TEX48: variants seen among roughly 807,000 people sequenced by gnomAD.
The protein encoded by TEX48 is testis-expressed protein 48.
TEX48 carries 10 observed loss-of-function variants against 13.2 expected under a neutral mutation model. The ratio of observed to expected loss-of-function variants is 0.75; its 90% CI spans 0.47 to 1.28. The LOEUF (loss-of-function observed/expected upper bound fraction) is 1.28, where lower values mean the gene tolerates loss of function less well. Ranked by LOEUF, TEX48 falls within the 50% of genes most tolerant of loss-of-function variation. TEX48 has a pLI of 0.00. For missense variants in TEX48, 116 were observed against 139.4 expected (o/e 0.83, Z 0.84); for synonymous variants, 45 against 52.3 (o/e 0.86, Z 0.60).
chr9:114,674,327 CCAACT>C (rs1828010851), intron 1 of TEX48, among the ~76,000 whole-genome samples: 1 of 152,100 alleles, frequency 6.6e-6, no homozygotes, highest in Non-Finnish European at 1.5e-5. Flanking sequence ...CAGCAAGCTC[CCAACT>C]CAACAATTTG....
At chr9:114,668,730 G>A (rs1827887346) in intron 3 of TEX48, among the ~76,000 whole-genome samples, 1 of 152,192 alleles carries the variant, frequency 6.6e-6, no homozygotes, top group African/African-American at 2.4e-5. Context: ...GGAGGAAAAA[G>A]TGCCCCAAAC....
intron 1 of TEX48, among the ~76,000 whole-genome samples, chr9:114,674,028 A>G (rs1206633061): frequency 6.6e-6 from 1 of 151,410 alleles, no homozygotes; most frequent in African/African-American, 2.4e-5. Context: ...CTGGCCTTGA[A>G]CTCCTGGGCT....
intron 1 of TEX48, among the ~76,000 whole-genome samples, chr9:114,681,338 T>G (rs1355797111): frequency 6.6e-6 from 1 of 152,150 alleles, no homozygotes; most frequent in African/African-American, 2.4e-5. Context: ...CAGAGAGCTT[T>G]GAGTTTTTGA....
intron 3 of TEX48, among the ~76,000 whole-genome samples, chr9:114,670,529 C>T (rs1827928548): frequency 1.3e-5 from 2 of 151,550 alleles, no homozygotes; most frequent in Admixed American, 6.6e-5. Context: ...GATTTTGATC[C>T]CTGATCTTCT....
At position 114,671,441 on chromosome 9, in the gene TEX48, A is replaced by G. The variant is rs1205958390; in HGVS notation, c.69T>C (p.Tyr23=). The change falls in exon 3 of 5, where the codon TAT becomes TAC. Residue 23 remains tyrosine (Y), a synonymous_variant. Coordinates refer to ENST00000436752, the MANE Select transcript of TEX48 (RefSeq NM_001199233.2). ...CLCCRDCQEP[Y]AINDSKVPSQ... ...TGGGAACCTTGGAGTCATTGATGGC[A>G]TAGGGCTCCTGACAGTCCCTGCAGC... is the stretch of plus-strand genomic sequence containing the variant. 7 of 1,535,470 alleles carry G rather than the reference A, an allele frequency of 4.6e-6. No individual in the cohort carries two copies. Among genetic ancestry groups the G allele is most frequent in the Non-Finnish European group, 6.1e-6 (7 of 1,146,866 alleles).
chr9:114,669,265 A>T (rs956171011), intron 3 of TEX48, among the ~76,000 whole-genome samples: 2 of 151,992 alleles, frequency 1.3e-5, no homozygotes, highest in African/African-American at 2.4e-5. Context: ...CAAAGTTCCA[A>T]TGTTGTATTA....
intron 3 of TEX48, among the ~76,000 whole-genome samples, chr9:114,669,537 G>C (rs1827907066): frequency 6.6e-6 from 1 of 152,018 alleles, no homozygotes; most frequent in African/African-American, 2.4e-5. Context: ...CACCTCTCGG[G>C]TTCAAGCGAT....
intron 1 of TEX48, among the ~76,000 whole-genome samples, chr9:114,681,320 G>T (rs1220876042): frequency 6.6e-6 from 1 of 152,148 alleles, no homozygotes; most frequent in Non-Finnish European, 1.5e-5. Context: ...TCCTCTAAGT[G>T]TTGACAGCAG....
intron 1 of TEX48, among the ~76,000 whole-genome samples, chr9:114,676,391 G>T (rs534956456): frequency 6.6e-6 from 1 of 151,910 alleles, no homozygotes; most frequent in East Asian, 1.9e-4. Flanking sequence ...GGCTTATCTC[G>T]AATTCCTTAG....
chr9:114,668,038 C>T (rs1195815102), intron 4 of TEX48, among the ~76,000 whole-genome samples, 168 bp downstream of exon 4: 1 of 152,020 alleles, frequency 6.6e-6, no homozygotes, highest in Non-Finnish European at 1.5e-5. Context: ...AGGTCTTAGC[C>T]TCTAGGGTCT....
intron 4 of TEX48, among the ~76,000 whole-genome samples, chr9:114,667,905 C>CAA (rs1176250476): frequency 0.06 from 3,637 of 60,404 alleles, 395 homozygotes; most frequent in East Asian, 0.27. Context: ...GACTCCATCT[C>CAA]AAAAAAAAAA....
intron 1 of TEX48, among the ~76,000 whole-genome samples, chr9:114,676,228 A>G (rs1319470379): frequency 1.3e-5 from 2 of 152,110 alleles, no homozygotes; most frequent in African/African-American, 4.8e-5. Context: ...TAGTGGCACC[A>G]TCAGGGCTCA....
At chr9:114,666,785 C>G in intron 4 of TEX48, 39 bp from the exon 5 acceptor site, 1 of 1,040,582 alleles carries the variant, frequency 9.6e-7, no homozygotes, top group Non-Finnish European at 1.4e-6. Context: ...GGGTGAAGGC[C>G]TTTGAATTGG....
rs1827945543 is a variant in TEX48 at position 114,671,500 on chromosome 9, G to A, written c.10C>T (p.His4Tyr). 6.5e-7 allele frequency: 1 copy of A among 1,530,420 alleles called. No individual in the cohort carries two copies. The highest frequency in any genetic ancestry group is 8.7e-7 in the Non-Finnish European group (1 of 1,145,956). 94.8% of individuals were successfully genotyped at this position (1,530,420 alleles called of 1,614,324 possible). A position where few individuals can be genotyped will look rare whatever the true frequency, so the allele number is the denominator to read the frequency against. The stretch of plus-strand genomic sequence containing the variant: ...AAGATCTTCAAGATCAGGTTTTGGT[G>A]GGCTGCTGTTGGAGGCAAAGGAATG... MAA[H>Y]QNLILKIFCL... The change falls in exon 3 of 5, where the codon CAC (histidine) becomes TAC (tyrosine). Residue 4 changes from histidine to tyrosine, a missense_variant. Transcript: ENST00000436752.
chr9:114,667,890 A>C (rs981286622), intron 4 of TEX48, among the ~76,000 whole-genome samples: 1 of 119,522 alleles, frequency 8.4e-6, no homozygotes, highest in Admixed American at 1.1e-4. Context: ...TAGACAACAG[A>C]GGGAGACTCC....
intron 1 of TEX48, among the ~76,000 whole-genome samples, chr9:114,674,431 T>C (rs1302435719): frequency 6.6e-6 from 1 of 151,490 alleles, no homozygotes; most frequent in African/African-American, 2.4e-5. Context: ...CCTTTTCTAG[T>C]GAGACTTTCT....
chr9:114,674,526 CTT>C, intron 1 of TEX48, among the ~76,000 whole-genome samples: 1 of 151,220 alleles, frequency 6.6e-6, no homozygotes, highest in Non-Finnish European at 1.5e-5. Context: ...AACATTTTCT[CTT>C]TCTTTTTTCT....
At chr9:114,672,242 A>G (rs924254608) in intron 1 of TEX48, among the ~76,000 whole-genome samples, 4 of 152,136 alleles carry the variant, frequency 2.6e-5, no homozygotes, top group Non-Finnish European at 4.4e-5. Flanking sequence ...GTAGGTTTAA[A>G]TTCTGGTTTT....
intron 4 of TEX48, 34 bp downstream of exon 4, chr9:114,668,172 C>A: frequency 6.5e-7 from 1 of 1,534,472 alleles, no homozygotes; most frequent in Non-Finnish European, 8.7e-7. Context: ...CTGGGAGTTT[C>A]TGGTCAGTGT....
Sources: allele counts gnomAD v4.1 joint callset (sites outside exome capture counted in the v4.1 genomes callset), GRCh38; gene constraint gnomAD v4.1.1; transcripts MANE v1.5; gene names NCBI Gene and HGNC (gene_info 2026-07-23, HGNC 2026-07-21).